The following RNF111 variants were observed in gnomAD, a reference collection of about 807,000 sequenced individuals.
The protein encoded by RNF111 is E3 ubiquitin-protein ligase Arkadia.
Under a neutral mutation model 95.1 loss-of-function variants are expected in RNF111, and 17 were observed. That is an observed-to-expected ratio of 0.18 (90% CI 0.12 to 0.27). The LOEUF (loss-of-function observed/expected upper bound fraction) is 0.27. Among genes scored for constraint, RNF111 ranks in the 10% least tolerant of loss-of-function variants. The pLI is 1.00. For missense variants in RNF111, 1,189 were observed against 1,210.4 expected, an observed-to-expected ratio of 0.98 and a Z score of 0.26; for synonymous variants, 440 against 414.8, an observed-to-expected ratio of 1.06 and a Z score of -0.74.
intron 2 of RNF111, among the ~76,000 whole-genome samples, chr15:59,040,300 AT>A (rs575764399): frequency 6.7e-5 from 10 of 148,340 alleles, no homozygotes; most frequent in East Asian, 2.0e-4. Flanking sequence ...TTATATTTTA[AT>A]TTTTTTTTTA....
At chr15:59,035,767 C>CAAG (rs2041146856) in intron 2 of RNF111, among the ~76,000 whole-genome samples, 1 of 152,186 alleles carries the variant, frequency 6.6e-6, no homozygotes, top group Admixed American at 6.5e-5. Context: ...CTCCAGTTCC[C>CAAG]AAGAAGTTCC....
chr15:59,023,355 C>G (rs1019619547), intron 1 of RNF111, among the ~76,000 whole-genome samples: 1 of 152,116 alleles, frequency 6.6e-6, no homozygotes, highest in African/African-American at 2.4e-5. Context: ...TTTTGCGTAA[C>G]TGACATTGTT....
intron 1 of RNF111, among the ~76,000 whole-genome samples, chr15:59,024,327 T>C (rs1349528172): frequency 4.6e-5 from 7 of 152,202 alleles, no homozygotes; most frequent in East Asian, 3.8e-4. Flanking sequence ...TTAAAAAAAA[T>C]ACTAATTGAG....
intron 6 of RNF111, among the ~76,000 whole-genome samples, chr15:59,070,205 C>T (rs577555246): frequency 9.9e-5 from 15 of 151,994 alleles, no homozygotes; most frequent in African/African-American, 3.4e-4. Context: ...CATTTATAAT[C>T]TGTGTAAGCC....
At chr15:59,072,100 C>A (rs192996908) in intron 6 of RNF111, among the ~76,000 whole-genome samples, 18 of 152,250 alleles carry the variant, frequency 1.2e-4, no homozygotes, top group Admixed American at 2.0e-4. Context: ...TTTAAAAATG[C>A]CAGCAATCCT....
At position 59,096,135 on chromosome 15, in the gene RNF111, A is replaced by G; in HGVS notation, c.*1235A>G. The G allele has an allele frequency of 2.5e-6, 1 of 398,480 alleles. No individual in the cohort carries two copies. 24.7% of individuals were successfully genotyped at this position (398,480 alleles called of 1,614,324 possible). On this transcript the variant is annotated 3_prime_UTR_variant, in exon 14 of 14. Coordinates refer to ENST00000348370, the MANE Select transcript of RNF111 (RefSeq NM_017610.8). Reference sequence around the variant, plus strand: ...AATTTCTATAGTTAAGATTTACTGCATAATATAGAATATAAAGTTAAGTTA... The same window carrying G: ...AATTTCTATAGTTAAGATTTACTGCGTAATATAGAATATAAAGTTAAGTTA...
intron 1 of RNF111, among the ~76,000 whole-genome samples, chr15:59,018,287 G>A (rs965738394): frequency 2.0e-5 from 3 of 152,008 alleles, no homozygotes; most frequent in Non-Finnish European, 2.9e-5. Flanking sequence ...ATCTGCTAAC[G>A]GTCACTGCCA....
intron 2 of RNF111, among the ~76,000 whole-genome samples, chr15:59,036,314 G>A (rs2041176152): frequency 6.6e-6 from 1 of 152,122 alleles, no homozygotes; most frequent in Non-Finnish European, 1.5e-5. Context: ...GCCCACCTCA[G>A]CCTCCCAAAG....
intron 8 of RNF111, among the ~76,000 whole-genome samples, chr15:59,083,541 A>AG (rs1461197645): frequency 6.6e-6 from 1 of 152,138 alleles, no homozygotes; most frequent in Non-Finnish European, 1.5e-5. Flanking sequence ...TCTCCAAAAA[A>AG]AAAAAAAAGT....
At chr15:59,049,178 C>T (rs1355263882) in intron 2 of RNF111, among the ~76,000 whole-genome samples, 1 of 152,094 alleles carries the variant, frequency 6.6e-6, no homozygotes, top group African/African-American at 2.4e-5. Context: ...CATTATACAA[C>T]TCCTCTTTCT....
chr15:59,030,419 A>C (rs1225650243), intron 1 of RNF111, among the ~76,000 whole-genome samples: 1 of 152,216 alleles, frequency 6.6e-6, no homozygotes, highest in Non-Finnish European at 1.5e-5. Flanking sequence ...CATGTTGACT[A>C]ATTAGTCTTT....
Position 59,046,401 on chromosome 15 carries a change from C to T in RNF111, c.881-5904C>T, listed in dbSNP as rs538618623. Among the ~76,000 whole-genome samples, 60 of 152,292 alleles carry T rather than the reference C, an allele frequency of 3.9e-4. 3 individuals are homozygous for T. In the South Asian group the frequency reaches 0.012, roughly 31 times the overall value. On this transcript the variant is annotated intron_variant, in intron 2 of 13. Transcript: ENST00000348370. ...GGAAATGAGGTTTCACCATGTTACC[C>T]AGGCTGGTCTCGCACTCCTGGGCTC...
At position 59,066,414 on chromosome 15, in the gene RNF111, C is replaced by G. The variant is rs146498097; in HGVS notation, c.1367-350C>G. On this transcript the variant is annotated intron_variant, in intron 5 of 13. Transcript: ENST00000348370. ...TCACCTGAGGTTGGGAGTTCAAGAC[C>G]AGCCTGACCAACATGGAGAAACCCC... Among the ~76,000 whole-genome samples, 768 of 152,208 alleles carry G rather than the reference C, an allele frequency of 5.0e-3. 12 individuals carry two copies. The highest frequency in any genetic ancestry group is 0.018 in the African/African-American group (733 of 41,534).
intron 11 of RNF111, 23 bp from the exon 12 acceptor site, chr15:59,091,036 G>A: frequency 7.0e-7 from 1 of 1,428,608 alleles, no homozygotes; most frequent in East Asian, 2.3e-5. Flanking sequence ...GCTTTTACCA[G>A]TCATTATATT....
At chr15:59,003,602 G>C (rs1050318974) in intron 1 of RNF111, among the ~76,000 whole-genome samples, 1 of 147,252 alleles carries the variant, frequency 6.8e-6, no homozygotes, top group Non-Finnish European at 1.5e-5. Flanking sequence ...GGGTTTTGCC[G>C]TGTTGCCCAG....
chr15:59,084,145 C>A lies in RNF111; in HGVS notation c.2314C>A (p.Pro772Thr). 3 of 1,607,124 alleles carry A rather than the reference C, an allele frequency of 1.9e-6. No individual in the cohort carries two copies. Among genetic ancestry groups the A allele is most frequent in the Non-Finnish European group, 2.5e-6 (3 of 1,176,902 alleles). ...MQHPTRAHER[P>T]PPHPHRMHPN... is the part of the protein sequence containing the mutation. The stretch of plus-strand genomic sequence containing the variant: ...TGTTTCCAGGCGGGCACATGAACGC[C>A]CCCCACCCCATCCACATAGGATGCA... Residue 772 changes from proline to threonine, a missense_variant, in exon 9 of 14, where the codon CCC becomes ACC. Coordinates refer to ENST00000348370, the MANE Select transcript of RNF111 (RefSeq NM_017610.8).
intron 3 of RNF111, among the ~76,000 whole-genome samples, chr15:59,054,157 T>C (rs1297498844): frequency 6.6e-6 from 1 of 152,164 alleles, no homozygotes; most frequent in Non-Finnish European, 1.5e-5. Context: ...CAGGCTGGTC[T>C]CGAACTCCTG....
intron 5 of RNF111, among the ~76,000 whole-genome samples, chr15:59,063,889 G>A (rs1374279177): frequency 1.3e-5 from 2 of 152,186 alleles, no homozygotes; most frequent in Admixed American, 6.5e-5. Context: ...GCGTATCCCA[G>A]TGAGTGAGCT....
Position 59,064,363 on chromosome 15 carries a change from G to A in RNF111, c.1367-2401G>A, listed in dbSNP as rs541488229. ...ATCCTGGCTAACATGGTGAAACCCC[G>A]TCTCTACTAAAAATACAAAAAAATT... On this transcript the variant is annotated intron_variant, in intron 5 of 13. Coordinates refer to ENST00000348370, the MANE Select transcript of RNF111 (RefSeq NM_017610.8). 4.4e-3 allele frequency among the ~76,000 whole-genome samples: 673 copies of A among 151,778 alleles called. 6 individuals are homozygous for A. The highest frequency in any genetic ancestry group is 0.041 in the Middle Eastern group (12 of 290).
Sources: gnomAD v4.1 joint callset for allele counts (sites outside exome capture counted in the v4.1 genomes callset) on GRCh38, gnomAD v4.1.1 for gene constraint, MANE v1.5 for transcripts, NCBI Gene and HGNC (gene_info 2026-07-23, HGNC 2026-07-21) for gene names.